Variants in SLC24A2 observed in about 807,000 individuals in gnomAD.
SLC24A2 encodes solute carrier family 24 member 2.
A neutral mutation model predicts 62.0 loss-of-function variants in SLC24A2; 36 were observed. That is an observed-to-expected ratio of 0.58 (90% confidence interval 0.44 to 0.77). SLC24A2 has a LOEUF of 0.77. Ranked by LOEUF, SLC24A2 falls within the 30% of genes least tolerant of loss-of-function variation. The pLI is 0.00. For synonymous variants in SLC24A2, 358 were observed against 294.0 expected (o/e 1.22, Z -2.23); for missense variants, 846 against 817.9 (o/e 1.03, Z -0.42).
At chr9:19,829,631 T>C in the SLC24A2 span, among the ~76,000 whole-genome samples, 35 of 151,930 alleles carry the variant, frequency 2.3e-4, no homozygotes, top group African/African-American at 6.5e-4. Context: ...TTCAGGAGGC[T>C]GTGGTGGGAA....
chr9:19,716,521 G>A (rs1820864900), intron 2 of SLC24A2, among the ~76,000 whole-genome samples: 2 of 152,310 alleles, frequency 1.3e-5, no homozygotes, highest in East Asian at 1.9e-4. Flanking sequence ...TGTGATCCCA[G>A]GGGAGATCTG....
intron 2 of SLC24A2, among the ~76,000 whole-genome samples, chr9:19,762,943 A>G (rs186779750): frequency 6.6e-6 from 1 of 152,098 alleles, no homozygotes; most frequent in Non-Finnish European, 1.5e-5. Flanking sequence ...GATTCTTCCT[A>G]TCCATGAGCA....
At chr9:19,933,614 C>A in the SLC24A2 span, among the ~76,000 whole-genome samples, 36,497 of 151,878 alleles carry the variant, frequency 0.24, 5,276 homozygotes, top group South Asian at 0.39. Context: ...CAATACTACT[C>A]CTACATACAT....
chr9:19,677,561 A>G (rs546325067), intron 2 of SLC24A2, among the ~76,000 whole-genome samples: 1 of 152,340 alleles, frequency 6.6e-6, no homozygotes, highest in East Asian at 1.9e-4. Flanking sequence ...ACAAACGTGC[A>G]TGTGTACCCC....
intron 2 of SLC24A2, among the ~76,000 whole-genome samples, chr9:19,695,236 C>A (rs1272661460): frequency 6.6e-6 from 1 of 152,032 alleles, no homozygotes; most frequent in African/African-American, 2.4e-5. Flanking sequence ...AATTATCCAG[C>A]CCCAAATGTC....
intron 2 of SLC24A2, among the ~76,000 whole-genome samples, chr9:19,733,350 C>A (rs1045203004): frequency 6.6e-6 from 1 of 152,160 alleles, no homozygotes; most frequent in African/African-American, 2.4e-5. Context: ...TTCTTCAGCC[C>A]AGAATGCCTC....
At chr9:20,008,657 T>C in the SLC24A2 span, among the ~76,000 whole-genome samples, 1 of 152,136 alleles carries the variant, frequency 6.6e-6, no homozygotes, top group Admixed American at 6.5e-5. Context: ...TATGACATCT[T>C]TGTAGTCCAG....
At chr9:20,150,646 A>G in the SLC24A2 span, among the ~76,000 whole-genome samples, 2 of 152,006 alleles carry the variant, frequency 1.3e-5, no homozygotes, top group South Asian at 4.1e-4. Flanking sequence ...ATATTTGTGA[A>G]TAATGATATT....
the SLC24A2 span, among the ~76,000 whole-genome samples, chr9:20,273,693 T>C: frequency 1.3e-5 from 2 of 152,198 alleles, no homozygotes; most frequent in African/African-American, 4.8e-5. Context: ...TTAAAACCTC[T>C]TTCTTTTGTA....
At chr9:19,560,831 T>C (rs1014721838) in intron 7 of SLC24A2, among the ~76,000 whole-genome samples, 6 of 152,182 alleles carry the variant, frequency 3.9e-5, no homozygotes, top group East Asian at 1.9e-4. Context: ...TATTGAGCCA[T>C]AGAAAGATCT....
chr9:19,921,518 T>A, the SLC24A2 span, among the ~76,000 whole-genome samples: 10 of 123,186 alleles, frequency 8.1e-5, no homozygotes, highest in South Asian at 2.9e-4. Flanking sequence ...AGACTCCGTG[T>A]AAAAAAAAAA....
intron 2 of SLC24A2, among the ~76,000 whole-genome samples, chr9:19,665,895 G>A (rs1819238306): frequency 6.6e-6 from 1 of 152,072 alleles, no homozygotes; most frequent in South Asian, 2.1e-4. Flanking sequence ...CTTGGCTGAA[G>A]CACCTCACCC....
the SLC24A2 span, among the ~76,000 whole-genome samples, chr9:20,129,437 C>T: frequency 5.3e-5 from 8 of 151,972 alleles, no homozygotes; most frequent in African/African-American, 9.7e-5. Context: ...GTAATTTACA[C>T]GAAGAATTAA....
chr9:20,019,163 G>GAGAC, the SLC24A2 span, among the ~76,000 whole-genome samples: 143 of 125,938 alleles, frequency 1.1e-3, 3 homozygotes, highest in African/African-American at 3.5e-3. Context: ...GAAAGAGAGA[G>GAGAC]AGACAGAAAG....
At chr9:20,179,876 A>G in the SLC24A2 span, among the ~76,000 whole-genome samples, 1 of 152,282 alleles carries the variant, frequency 6.6e-6, no homozygotes, top group Admixed American at 6.5e-5. Context: ...ATTGAACAGA[A>G]CTGCACAAAA....
At chr9:19,796,568 G>A in the SLC24A2 span, among the ~76,000 whole-genome samples, 1 of 152,228 alleles carries the variant, frequency 6.6e-6, no homozygotes, top group South Asian at 2.1e-4. Context: ...GGAGGAAAAT[G>A]TTTGAATCCT....
the SLC24A2 span, among the ~76,000 whole-genome samples, chr9:20,068,814 A>T: frequency 6.6e-6 from 1 of 152,138 alleles, no homozygotes; most frequent in African/African-American, 2.4e-5. Context: ...TTTGAAAATG[A>T]ACTGATCCTG....
intron 2 of SLC24A2, among the ~76,000 whole-genome samples, chr9:19,689,798 G>A (rs1265394167): frequency 1.3e-5 from 2 of 152,204 alleles, no homozygotes; most frequent in South Asian, 2.1e-4. Flanking sequence ...AAAATTGACT[G>A]GGCCAAGGGA....
intron 8 of SLC24A2, among the ~76,000 whole-genome samples, chr9:19,536,018 G>C (rs936537409): frequency 1.4e-4 from 21 of 151,794 alleles, no homozygotes; most frequent in African/African-American, 4.6e-4. Flanking sequence ...TTATTTCCTT[G>C]AGCAGTGGTT....
Sources: gnomAD v4.1 joint callset for allele counts (sites outside exome capture counted in the v4.1 genomes callset) on GRCh38, gnomAD v4.1.1 for gene constraint, MANE v1.5 for transcripts, NCBI Gene and HGNC (gene_info 2026-07-23, HGNC 2026-07-21) for gene names.